Variants in PCDHGA1 observed in about 807,000 individuals in gnomAD.
PCDHGA1 encodes protocadherin gamma subfamily A, 1.
Under a neutral mutation model 58.0 loss-of-function variants are expected in PCDHGA1, and 32 were observed. The ratio of observed to expected loss-of-function variants is 0.55; its 90% CI spans 0.42 to 0.74. PCDHGA1 has a LOEUF of 0.74. PCDHGA1 is among the 30% of genes least tolerant of loss of function. PCDHGA1 has a pLI of 0.00. For synonymous variants in PCDHGA1, 498 were observed against 501.1 expected, an observed-to-expected ratio of 0.99 and a Z score of 0.08; for missense variants, 1,205 against 1,182.3, an observed-to-expected ratio of 1.02 and a Z score of -0.28.
rs1289333371 is a variant in PCDHGA1, at chr5:141,460,404, G to C, written c.2422-34403G>C. Among the ~76,000 whole-genome samples, 21 of 152,038 alleles carry C rather than the reference G, an allele frequency of 1.4e-4. 1 individual carries two copies. The highest frequency in any genetic ancestry group is 1.4e-3 in the Admixed American group (21 of 15,256). Reference sequence around the variant, plus strand: ...TATAATTTGGTCTATGAATCCTTTTGAGTTGATGTTTATGTATGGTGTATG... The same window carrying C: ...TATAATTTGGTCTATGAATCCTTTTCAGTTGATGTTTATGTATGGTGTATG... On this transcript the variant is annotated intron_variant, in intron 1 of 3. Transcript: ENST00000517417.
At chr5:141,375,557 G>A in intron 1 of PCDHGA1, 1 of 1,613,988 alleles carries the variant, frequency 6.2e-7, no homozygotes, top group Non-Finnish European at 8.5e-7. Context: ...CTACTCACTG[G>A]CAGAAGACAC....
intron 1 of PCDHGA1, among the ~76,000 whole-genome samples, chr5:141,420,643 A>G (rs145459829): frequency 0.01 from 1,535 of 152,326 alleles, 17 homozygotes; most frequent in Non-Finnish European, 0.013. Flanking sequence ...GGAACCTTGT[A>G]AGAATTATAG....
intron 1 of PCDHGA1, chr5:141,378,405 C>T (rs1250518150): frequency 2.0e-5 from 3 of 152,298 alleles, no homozygotes; most frequent in Non-Finnish European, 4.4e-5. Context: ...GGCCTGTAAT[C>T]GCAGCTACTC....
intron 1 of PCDHGA1, chr5:141,385,343 T>C: frequency 1.3e-6 from 2 of 1,568,526 alleles, no homozygotes; most frequent in Non-Finnish European, 1.7e-6. Flanking sequence ...GCCCTTCCTT[T>C]ATTTCCATGA....
intron 1 of PCDHGA1, among the ~76,000 whole-genome samples, chr5:141,439,689 A>G (rs1193986599): frequency 6.6e-6 from 1 of 152,218 alleles, no homozygotes; most frequent in Non-Finnish European, 1.5e-5. Flanking sequence ...CAGACCCACA[A>G]CATTCCTATT....
chr5:141,389,990 C>CTCA (rs1156236363), intron 1 of PCDHGA1: 4 of 1,614,044 alleles, frequency 2.5e-6, no homozygotes, highest in Non-Finnish European at 2.5e-6. Flanking sequence ...TGCTCTTCCT[C>CTCA]GTGGCCATGA....
At chr5:141,415,966 C>A in intron 1 of PCDHGA1, 1 of 405,602 alleles carries the variant, frequency 2.5e-6, no homozygotes, top group East Asian at 5.2e-5. Context: ...AAACTCCAGC[C>A]CCTTAAGCAA....
chr5:141,467,162 C>T (rs765574629), intron 1 of PCDHGA1, among the ~76,000 whole-genome samples: 1 of 151,724 alleles, frequency 6.6e-6, no homozygotes, highest in Non-Finnish European at 1.5e-5. Flanking sequence ...AAGTGATTCT[C>T]ATCTCTCAGC....
At chr5:141,365,935 C>G in intron 1 of PCDHGA1, 2 of 1,614,224 alleles carry the variant, frequency 1.2e-6, no homozygotes, top group Non-Finnish European at 1.7e-6. Context: ...TGACAGCCAG[C>G]GACAGTGGGA....
chr5:141,361,552 C>T, intron 1 of PCDHGA1: 1 of 1,614,060 alleles, frequency 6.2e-7, no homozygotes, highest in Non-Finnish European at 8.5e-7. Flanking sequence ...CTCTATCGCT[C>T]AAATCAGTGC....
In PCDHGA1 at chr5:141,491,696, G is replaced by A; in HGVS notation, c.2422-3111G>A. The A allele has an allele frequency of 6.2e-7, 1 of 1,612,390 alleles. No individual in the cohort carries two copies. The highest frequency in any genetic ancestry group is 8.5e-7 in the Non-Finnish European group (1 of 1,179,286). ...CGCTCTAATACGCTGCGGGAGCGGA[G>A]CCAGGTGAGGGGCTCGGCGCCGCCC... On this transcript the variant is annotated intron_variant, in intron 1 of 3. Coordinates refer to ENST00000517417, the MANE Select transcript of PCDHGA1 (RefSeq NM_018912.3). This position sits in a 1 kb window ranked among gnomAD's most constrained non-coding sequence, Gnocchi z 6.9.
intron 1 of PCDHGA1, chr5:141,413,940 TC>T (rs1190444840): frequency 1.2e-6 from 2 of 1,613,390 alleles, no homozygotes; most frequent in East Asian, 2.2e-5. Context: ...GAGTGAGTGT[TC>T]CTGAGAATTT....
intron 1 of PCDHGA1, among the ~76,000 whole-genome samples, chr5:141,349,470 A>G (rs78875108): frequency 0.033 from 5,043 of 152,298 alleles, 101 homozygotes; most frequent in African/African-American, 0.06. Context: ...GTACCCCAAC[A>G]CTAAATTGGC....
intron 2 of PCDHGA1, among the ~76,000 whole-genome samples, chr5:141,502,866 C>CTTTTT (rs549047197): frequency 1.6e-5 from 2 of 128,044 alleles, no homozygotes; most frequent in Non-Finnish European, 1.6e-5. Flanking sequence ...GACTCTCTGT[C>CTTTTT]TTTTTTTTTT....
chr5:141,441,867 G>T, intron 1 of PCDHGA1: 1 of 345,800 alleles, frequency 2.9e-6, no homozygotes, highest in Non-Finnish European at 5.6e-6. Flanking sequence ...ACGCCGCGGA[G>T]CCTGGCTACC....
intron 1 of PCDHGA1, chr5:141,356,720 T>C: frequency 6.2e-7 from 1 of 1,614,006 alleles, no homozygotes. Context: ...TATGTCTCCA[T>C]CAACTCCAAT....
rs776876444 is a variant in PCDHGA1 at position 141,330,973 on chromosome 5, G to A, written c.289G>A (p.Ala97Thr). ...CAGGATAGACCGGGAGGAGCTCTGC[G>A]CTCAGAGCATGCCGTGTCTCGTGAG... ...ARRIDREELC[A>T]QSMPCLVSFN... The change falls in exon 1 of 4, where the codon GCT becomes ACT. Residue 97 changes from alanine (A) to threonine (T), a missense_variant. Physicochemically the swap from Ala to Thr is moderately conservative, Grantham distance 58. Transcript: ENST00000517417. 1.2e-6 allele frequency: 2 copies of A among 1,614,066 alleles called. No individual in the cohort carries two copies. The highest frequency in any genetic ancestry group is 1.7e-6 in the Non-Finnish European group (2 of 1,180,044).
chr5:141,385,219 A>C, intron 1 of PCDHGA1: 1 of 1,614,236 alleles, frequency 6.2e-7, no homozygotes, highest in Non-Finnish European at 8.5e-7. Flanking sequence ...CCCCCAGCCC[A>C]ACTATGTAGA....
chr5:141,402,949 A>C, intron 1 of PCDHGA1: 2 of 1,594,986 alleles, frequency 1.3e-6, no homozygotes, highest in South Asian at 1.1e-5. Flanking sequence ...AAAGCGAGGC[A>C]GCAATGGCAG....
Sources: allele counts gnomAD v4.1 joint callset (sites outside exome capture counted in the v4.1 genomes callset), GRCh38; gene constraint gnomAD v4.1.1; non-coding constraint Gnocchi (gnomAD v3.1); transcripts MANE v1.5; gene names NCBI Gene and HGNC (gene_info 2026-07-23, HGNC 2026-07-21).